SLC9C2: variants seen among roughly 807,000 people sequenced by gnomAD.
SLC9C2 encodes sodium/hydrogen exchanger 11.
In SLC9C2, 75 loss-of-function variants were observed where a neutral mutation model predicts 140.2. The ratio of observed to expected loss-of-function variants is 0.53; its 90% confidence interval spans 0.44 to 0.65. The LOEUF is 0.65. Among genes scored for constraint, SLC9C2 ranks in the 30% least tolerant of loss-of-function variants. SLC9C2 has a pLI of 0.00. For synonymous variants in SLC9C2, 375 were observed against 420.9 expected, an observed-to-expected ratio of 0.89 and a Z score of 1.34; for missense variants, 1,074 against 1,331.8, an observed-to-expected ratio of 0.81 and a Z score of 3.01.
At chr1:173,515,103 C>T (rs896750113) in intron 23 of SLC9C2, among the ~76,000 whole-genome samples, 6 of 152,092 alleles carry the variant, frequency 3.9e-5, no homozygotes, top group African/African-American at 1.4e-4. Context: ...TTCATTTCAA[C>T]CTTGGAGAAT....
Position 173,526,735 on chromosome 1 carries a change from C to T in SLC9C2, c.2314-21G>A, listed in dbSNP as rs747314326. On this transcript the variant is annotated intron_variant, in intron 18 of 27. Coordinates refer to ENST00000367714, the MANE Select transcript of SLC9C2 (RefSeq NM_178527.4). Reference sequence around the variant, plus strand: ...AGTTTCTGTAAAAAATTAAGAAAAACATGTATTTCTTATTATTCATATAGT... The same window carrying T: ...AGTTTCTGTAAAAAATTAAGAAAAATATGTATTTCTTATTATTCATATAGT... 3 of 1,479,546 alleles carry T rather than the reference C, an allele frequency of 2.0e-6. No homozygotes were observed. The South Asian group carries it at 3.6e-5, about 18-fold the overall frequency. The allele number at this position is 1,479,546 out of a possible 1,614,324, so 91.7% of individuals were successfully genotyped here.
At position 173,583,636 on chromosome 1, in the gene SLC9C2, T is replaced by C. The variant is rs754442198; in HGVS notation, c.524-14A>G. On this transcript the variant is annotated splice_polypyrimidine_tract_variant and intron_variant, in intron 5 of 27. Transcript: ENST00000367714. ...TTTTAGAAATGCCTGAAAAAGGAAA[T>C]ACAAAATGTAACTCAATATGCTACA... The C allele has an allele frequency of 2.2e-6, 3 of 1,333,478 alleles. No individual in the cohort carries two copies. The East Asian group carries it at 7.1e-5, about 32-fold the overall frequency. 82.6% of individuals were successfully genotyped at this position (1,333,478 alleles called of 1,614,324 possible).
intron 1 of SLC9C2, among the ~76,000 whole-genome samples, chr1:173,602,464 A>G (rs968147458): frequency 6.6e-6 from 1 of 152,170 alleles, no homozygotes; most frequent in African/African-American, 2.4e-5. Flanking sequence ...AATAAAGGAA[A>G]AGACCAAGGT....
rs371121795 is a variant in SLC9C2 at position 173,516,358 on chromosome 1, T to C, written c.2907+1179A>G. ...TTCAGTGGTACATATGCAGGTTTGT[T>C]ACATAGGTAAACTTGTGTCATGAGG... On this transcript the variant is annotated intron_variant, in intron 23 of 27. Transcript: ENST00000367714. 5.3e-5 allele frequency among the ~76,000 whole-genome samples: 8 copies of C among 152,226 alleles called. No individual in the cohort carries two copies. The East Asian group carries it at 9.6e-4, about 18-fold the overall frequency.
intron 23 of SLC9C2, among the ~76,000 whole-genome samples, chr1:173,511,833 G>T (rs2901746): frequency 0.059 from 8,977 of 152,236 alleles, 901 homozygotes; most frequent in African/African-American, 0.2. Context: ...TACGTATAAG[G>T]TGTAAGGAAG....
chr1:173,576,270 G>A (rs1018221830), intron 8 of SLC9C2, among the ~76,000 whole-genome samples: 1 of 152,128 alleles, frequency 6.6e-6, no homozygotes, highest in Non-Finnish European at 1.5e-5. Context: ...GTAGGTAAGA[G>A]TTTTATTGAT....
chr1:173,561,440 G>A (rs1664099710), intron 9 of SLC9C2, among the ~76,000 whole-genome samples: 2 of 152,180 alleles, frequency 1.3e-5, no homozygotes, highest in South Asian at 4.2e-4. Context: ...GTACAACCAA[G>A]ACCTGGAAGT....
At chr1:173,526,476 A>G (rs1041901571) in intron 19 of SLC9C2, among the ~76,000 whole-genome samples, 187 bp downstream of exon 19, 10 of 152,178 alleles carry the variant, frequency 6.6e-5, no homozygotes, top group Non-Finnish European at 8.8e-5. Flanking sequence ...AAGATTCTGC[A>G]CTGTTTAAGG....
At chr1:173,502,680 C>T (rs1659370341) in intron 27 of SLC9C2, among the ~76,000 whole-genome samples, 2 of 152,218 alleles carry the variant, frequency 1.3e-5, no homozygotes, top group African/African-American at 4.8e-5. Context: ...ATCTACATGA[C>T]TCTCCACAAC....
chr1:173,507,348 A>G (rs1321020020), intron 24 of SLC9C2, among the ~76,000 whole-genome samples: 1 of 151,938 alleles, frequency 6.6e-6, no homozygotes, highest in Non-Finnish European at 1.5e-5. Context: ...AGAGTCTTAA[A>G]AGATTCAGAG....
In SLC9C2 at chr1:173,557,452, T is replaced by C. The variant is rs1481747281; in HGVS notation, c.1103A>G (p.Asn368Ser). 1.2e-6 allele frequency: 2 copies of C among 1,613,968 alleles called. No homozygotes were observed. Among genetic ancestry groups the C allele is most frequent in the South Asian group, 2.2e-5 (2 of 91,066 alleles). The change falls in exon 10 of 28, where the codon AAT becomes AGT. Residue 368 changes from asparagine to serine, a missense_variant. Transcript: ENST00000367714. ...CGTGATTACAACTCCCCATCGCCAA[T>C]TATATTCATAATTTGAATGCATCAA... The part of the protein sequence containing the change: ...PILMHSNYEY[N>S]WRWGVVITWS...
chr1:173,521,498 T>C (rs889615074), intron 21 of SLC9C2, 99 bp from the exon 22 acceptor site: 3 of 287,652 alleles, frequency 1.0e-5, no homozygotes, highest in Non-Finnish European at 1.3e-5. Context: ...TATATATATA[T>C]GATTTTATTA....
At chr1:173,524,252 T>C (rs1661037204) in intron 20 of SLC9C2, among the ~76,000 whole-genome samples, 158 bp from the exon 21 acceptor site, 1 of 152,178 alleles carries the variant, frequency 6.6e-6, no homozygotes, top group African/African-American at 2.4e-5. Context: ...CCTCTAACCA[T>C]TTTTGTCCCT....
At chr1:173,600,073 T>G in intron 3 of SLC9C2, 44 bp downstream of exon 3, 1 of 1,329,974 alleles carries the variant, frequency 7.5e-7, no homozygotes, top group Non-Finnish European at 1.1e-6. Context: ...ACTTTATTTT[T>G]GGCATTTTTT....
intron 4 of SLC9C2, among the ~76,000 whole-genome samples, chr1:173,592,037 T>C (rs1405796435): frequency 1.3e-5 from 2 of 152,198 alleles, no homozygotes; most frequent in Non-Finnish European, 2.9e-5. Flanking sequence ...TTGAGTTGAT[T>C]TTTGTATATG....
chr1:173,533,626 A>T lies in SLC9C2; in HGVS notation c.2146T>A (p.Phe716Ile), dbSNP rs1661743113. The T allele has an allele frequency of 1.3e-6, 2 of 1,593,974 alleles. No homozygotes were observed. ...AATCTTACCTTGAAGAGAGGAAGAA[A>T]CCTAATTATTCTTAAATATCCCATT... Reference protein sequence around the residue: ...VIMGYLRIIRFLPLFKIIVPI... With the variant: ...VIMGYLRIIRILPLFKIIVPI... The change falls in exon 17 of 28, where the codon TTT becomes ATT. Residue 716 changes from phenylalanine to isoleucine, a missense_variant. Phe to Ile is a conservative substitution (Grantham distance 21). Coordinates refer to ENST00000367714, the MANE Select transcript of SLC9C2 (RefSeq NM_178527.4).
intron 13 of SLC9C2, among the ~76,000 whole-genome samples, chr1:173,546,482 G>A (rs1266839732): frequency 1.3e-5 from 2 of 152,218 alleles, no homozygotes; most frequent in Non-Finnish European, 2.9e-5. Context: ...CAGGGAGGCT[G>A]AGGCACAAGA....
chr1:173,585,640 C>G (rs1200907866), intron 5 of SLC9C2, among the ~76,000 whole-genome samples: 1 of 152,114 alleles, frequency 6.6e-6, no homozygotes, highest in Non-Finnish European at 1.5e-5. Flanking sequence ...TAAGAGCCAA[C>G]CCAATACCTT....
intron 24 of SLC9C2, among the ~76,000 whole-genome samples, chr1:173,508,903 C>G (rs1659839620): frequency 6.6e-6 from 1 of 152,138 alleles, no homozygotes; most frequent in Non-Finnish European, 1.5e-5. Context: ...GATTTACAGA[C>G]TTATATTAAC....
Sources: gnomAD v4.1 joint callset for allele counts (sites outside exome capture counted in the v4.1 genomes callset) on GRCh38, gnomAD v4.1.1 for gene constraint, MANE v1.5 for transcripts, NCBI Gene and HGNC (gene_info 2026-07-23, HGNC 2026-07-21) for gene names.